SLC4A2: variants seen among roughly 807,000 people sequenced by gnomAD.
SLC4A2 encodes solute carrier family 4 member 2.
Under a neutral mutation model 115.0 loss-of-function variants are expected in SLC4A2, and 36 were observed. The ratio of observed to expected loss-of-function variants is 0.31; its 90% CI spans 0.24 to 0.41. The LOEUF is 0.41. Among genes scored for constraint, SLC4A2 ranks in the 10% least tolerant of loss-of-function variants. The pLI, the probability that SLC4A2 is intolerant of heterozygous loss-of-function variation, is 1.00. For synonymous variants in SLC4A2, 708 were observed against 708.3 expected (o/e 1.00, Z 0.01); for missense variants, 1,252 against 1,705.6 (o/e 0.73, Z 4.68).
rs1292322371 is a variant in SLC4A2 at position 151,059,592 on chromosome 7, C to A, written c.-234C>A. On this transcript the variant is annotated 5_prime_UTR_variant, in exon 1 of 23. Transcript: ENST00000413384. The surrounding 1 kb of genome is among the most constrained non-coding windows in gnomAD (Gnocchi z 5.8). ...CGCACGGTGCGCCGGGGGGCGCGCA[C>A]GCAGGGGGCTGGCCTGCCCGCGGCG... 6.6e-6 allele frequency: 1 copy of A among 151,184 alleles called. No homozygotes were observed. Among genetic ancestry groups the A allele is most frequent in the Non-Finnish European group, 1.5e-5 (1 of 67,732 alleles). 9.4% of individuals were successfully genotyped at this position (151,184 alleles called of 1,614,324 possible).
intron 2 of SLC4A2, chr7:151,062,723 TC>T: frequency 1.4e-6 from 2 of 1,413,470 alleles, no homozygotes; most frequent in Middle Eastern, 1.9e-4. Context: ...CCTCTCCCCG[TC>T]CCCTCGTCCC....
At position 151,071,521 on chromosome 7, in the gene SLC4A2, G is replaced by A. The variant is rs1430578614; in HGVS notation, c.2107G>A (p.Ala703Thr). The A allele has an allele frequency of 6.2e-7, 1 of 1,613,956 alleles. No homozygotes were observed. Among genetic ancestry groups the A allele is most frequent in the Non-Finnish European group, 8.5e-7 (1 of 1,180,000 alleles). ...YPHYLSDFRD[A>T]LDPQCLAAVI... Reference sequence around the variant, plus strand: ...CCACTACCTGAGTGACTTCCGAGATGCACTTGACCCTCAGTGCCTGGCCGC... The same window carrying A: ...CCACTACCTGAGTGACTTCCGAGATACACTTGACCCTCAGTGCCTGGCCGC... Residue 703 changes from alanine to threonine, a missense_variant, in exon 14 of 23, where the codon GCA becomes ACA. Ala to Thr is a moderately conservative substitution (Grantham distance 58). Transcript: ENST00000413384. The surrounding 1 kb of genome is among the most constrained non-coding windows in gnomAD (Gnocchi z 5.5).
Position 151,071,324 on chromosome 7 carries a change from G to A in SLC4A2, c.1975+27G>A. On this transcript the variant is annotated intron_variant, in intron 13 of 22. Coordinates refer to ENST00000413384, the MANE Select transcript of SLC4A2 (RefSeq NM_003040.4). The surrounding 1 kb of genome is among the most constrained non-coding windows in gnomAD (Gnocchi z 5.5). Reference sequence around the variant, plus strand: ...TACGGCCAGGGCGGGCTGGGGCCAGGGCTGCCTCGAGGGGGTGAGGTGGGC... The same window carrying A: ...TACGGCCAGGGCGGGCTGGGGCCAGAGCTGCCTCGAGGGGGTGAGGTGGGC... 6.5e-7 allele frequency: 1 copy of A among 1,544,014 alleles called. No individual in the cohort carries two copies. The highest frequency in any genetic ancestry group is 1.4e-5 in the African/African-American group (1 of 73,412).
At chr7:151,067,456 T>C (rs938339861) in intron 7 of SLC4A2, among the ~76,000 whole-genome samples, 2 of 152,216 alleles carry the variant, frequency 1.3e-5, no homozygotes, top group Non-Finnish European at 2.9e-5. Flanking sequence ...TTAGAGCTTA[T>C]TGACTTGGGC....
At position 151,075,258 on chromosome 7, in the gene SLC4A2, C is replaced by T. The variant is rs1341907444; in HGVS notation, c.3051C>T (p.Leu1017=). Residue 1017 remains leucine (L), a synonymous_variant, in exon 20 of 23, where the codon CTC becomes CTT. Transcript: ENST00000413384. ...LIFMETQITT[L]IISKKERMLQ... Reference sequence around the variant, plus strand: ...GCAGCACCCCTCCCGCTCTCAGGCTCATCATCTCCAAGAAGGAGCGCATGC... The same window carrying T: ...GCAGCACCCCTCCCGCTCTCAGGCTTATCATCTCCAAGAAGGAGCGCATGC... The T allele has an allele frequency of 3.7e-6, 6 of 1,612,862 alleles. No homozygotes were observed. Among genetic ancestry groups the T allele is most frequent in the Admixed American group, 1.7e-5 (1 of 60,014 alleles).
At chr7:151,062,570 G>A in intron 2 of SLC4A2, 19 of 1,454,176 alleles carry the variant, frequency 1.3e-5, no homozygotes, top group Non-Finnish European at 1.6e-5. Context: ...CTGGCCCAGA[G>A]GGGCACGTGA....
intron 1 of SLC4A2, chr7:151,061,590 T>G: frequency 1.5e-5 from 3 of 204,878 alleles, no homozygotes; most frequent in East Asian, 1.1e-4. Flanking sequence ...CCCCAGCTCA[T>G]TATCACTCCC....
chr7:151,075,553 C>A, intron 20 of SLC4A2, 45 bp downstream of exon 20: 1 of 1,589,092 alleles, frequency 6.3e-7, no homozygotes, highest in Non-Finnish European at 8.5e-7. Context: ...TTCCCCAGGG[C>A]TACTGGGGCC....
intron 7 of SLC4A2, among the ~76,000 whole-genome samples, chr7:151,067,328 C>T (rs573912044): frequency 7.2e-5 from 11 of 152,286 alleles, no homozygotes; most frequent in East Asian, 5.8e-4. Flanking sequence ...TCTAGGAATC[C>T]GCCCGCCTCG....
At position 151,064,768 on chromosome 7, in the gene SLC4A2, G is replaced by A; in HGVS notation, c.459+1G>A. On this transcript the variant is annotated splice_donor_variant, in intron 4 of 22. Transcript: ENST00000413384. LOFTEE classifies it high-confidence loss of function. ...TGTCTCCACACCCTCCTCGGTGCAG[G>A]TGCGCTGGGTGCGGGCTCCTAGGGC... The A allele has an allele frequency of 6.2e-7, 1 of 1,607,422 alleles. No individual in the cohort carries two copies. Among genetic ancestry groups the A allele is most frequent in the Non-Finnish European group, 8.5e-7 (1 of 1,175,290 alleles).
intron 9 of SLC4A2, 26 bp downstream of exon 9, chr7:151,070,108 A>G (rs1797379848): frequency 6.2e-7 from 1 of 1,613,840 alleles, no homozygotes; most frequent in East Asian, 2.2e-5. Context: ...CCAGTTGGGG[A>G]TGACACTTCA....
At chr7:151,062,953 C>G (rs1584982006) in intron 2 of SLC4A2, 1 of 1,404,112 alleles carries the variant, frequency 7.1e-7, no homozygotes. Context: ...GCTGCTGGCA[C>G]CGCTATGGAG....
rs765898767 is a variant in SLC4A2 at position 151,071,685 on chromosome 7, C to G, written c.2192-4C>G. ...AGCTCCTGAGCTGGTTCCTACACCC[C>G]TAGGAGAGAAGACGCAGGACCTGAT... On this transcript the variant is annotated splice_polypyrimidine_tract_variant and splice_region_variant and intron_variant, in intron 14 of 22. Coordinates refer to ENST00000413384, the MANE Select transcript of SLC4A2 (RefSeq NM_003040.4). The surrounding 1 kb of genome is among the most constrained non-coding windows in gnomAD (Gnocchi z 5.5). 3.1e-6 allele frequency: 5 copies of G among 1,610,488 alleles called. No individual in the cohort carries two copies. Among genetic ancestry groups the G allele is most frequent in the Non-Finnish European group, 3.4e-6 (4 of 1,177,800 alleles).
In SLC4A2 at chr7:151,071,178, G is replaced by A. The variant is rs1797423266; in HGVS notation, c.1856G>A (p.Gly619Asp). The change falls in exon 13 of 23, where the codon GGC becomes GAC. Residue 619 changes from glycine (G) to aspartate (D), a missense_variant. This residue lies in a region of SLC4A2 where 87 missense variants were observed against 170.3 expected (regional missense o/e 0.51). Transcript: ENST00000413384. This position sits in a 1 kb window ranked among gnomAD's most constrained non-coding sequence, Gnocchi z 5.5. The part of the protein sequence containing the change: ...SVVLPPSEVQ[G>D]EELLRSVAHF... Reference sequence around the variant, plus strand: ...GTGCTGCCGCCTTCAGAAGTGCAGGGCGAGGAGCTGCTGCGCTCTGTGGCC... The same window carrying A: ...GTGCTGCCGCCTTCAGAAGTGCAGGACGAGGAGCTGCTGCGCTCTGTGGCC... 1 of 1,610,824 alleles carries A rather than the reference G, an allele frequency of 6.2e-7. No individual in the cohort carries two copies. The highest frequency in any genetic ancestry group is 1.3e-5 in the African/African-American group (1 of 74,884).
In SLC4A2 at chr7:151,059,801, C is replaced by T. The variant is rs1796988030; in HGVS notation, c.-64+39C>T. ...TGGTGGCGGGGGACGGCCAGGGCCG[C>T]AGAGGGAGGAAGGGAGGGGGAAGGA... On this transcript the variant is annotated intron_variant, in intron 1 of 22. Transcript: ENST00000413384. The surrounding 1 kb of genome is among the most constrained non-coding windows in gnomAD (Gnocchi z 5.8). 8.2e-6 allele frequency: 1 copy of T among 121,434 alleles called. No homozygotes were observed. 7.5% of individuals were successfully genotyped at this position (121,434 alleles called of 1,614,324 possible). A position where few individuals can be genotyped will look rare whatever the true frequency, so the allele number is the denominator to read the frequency against.
chr7:151,072,682 G>GTTTTCTTTT, intron 16 of SLC4A2, among the ~76,000 whole-genome samples: 1 of 145,868 alleles, frequency 6.9e-6, no homozygotes, highest in Non-Finnish European at 1.5e-5. Flanking sequence ...TTGAGACAGA[G>GTTTTCTTTT]TGTTGCTTTG....
At position 151,071,446 on chromosome 7, in the gene SLC4A2, A is replaced by G. The variant is rs761383037; in HGVS notation, c.2032A>G (p.Thr678Ala). The G allele has an allele frequency of 8.1e-6, 13 of 1,607,404 alleles. No individual in the cohort carries two copies. Among genetic ancestry groups the G allele is most frequent in the Middle Eastern group, 1.7e-4 (1 of 6,058 alleles). Residue 678 changes from threonine (T) to alanine (A), a missense_variant, in exon 14 of 23, where the codon ACG becomes GCG. Physicochemically the swap from Thr to Ala is moderately conservative, Grantham distance 58 (BLOSUM62 0). Transcript: ENST00000413384. The surrounding 1 kb of genome is among the most constrained non-coding windows in gnomAD (Gnocchi z 5.5). ...GAAEDDPLRRTGRPFGGLIRD... is the reference protein window; with the variant it reads ...GAAEDDPLRRAGRPFGGLIRD... ...AGCTGAAGATGATCCCCTTCGGCGG[A>G]CGGGGCGGCCCTTTGGGGGGCTGAT...
At chr7:151,075,539 T>G (rs1797595696) in intron 20 of SLC4A2, 31 bp downstream of exon 20, 1 of 1,593,782 alleles carries the variant, frequency 6.3e-7, no homozygotes, top group Non-Finnish European at 8.5e-7. Context: ...CCCTTCCCAG[T>G]GGATTCCCCA....
Position 151,066,836 on chromosome 7 carries a change from C to T in SLC4A2, c.824-15C>T. The T allele has an allele frequency of 6.2e-7, 1 of 1,607,656 alleles. No homozygotes were observed. The highest frequency in any genetic ancestry group is 8.5e-7 in the Non-Finnish European group (1 of 1,176,976). Reference sequence around the variant, plus strand: ...GAGAAAGGGGGAGCCCAACCTTGGTCCTCTGCCCCCACAGGTCACCGGTTT... The same window carrying T: ...GAGAAAGGGGGAGCCCAACCTTGGTTCTCTGCCCCCACAGGTCACCGGTTT... On this transcript the variant is annotated splice_polypyrimidine_tract_variant and intron_variant, in intron 6 of 22. Coordinates refer to ENST00000413384, the MANE Select transcript of SLC4A2 (RefSeq NM_003040.4).
Sources: allele counts gnomAD v4.1 joint callset (sites outside exome capture counted in the v4.1 genomes callset), GRCh38; gene constraint gnomAD v4.1.1; regional missense constraint gnomAD v4.1.1; non-coding constraint Gnocchi (gnomAD v3.1); transcripts MANE v1.5; gene names NCBI Gene and HGNC (gene_info 2026-07-23, HGNC 2026-07-21).